ZNF726: variants seen among roughly 807,000 people sequenced by gnomAD.
The protein encoded by ZNF726 is zinc finger protein 92 pseudogene 3.
In ZNF726, 15 loss-of-function variants were observed where a neutral mutation model predicts 11.6. The observed-to-expected ratio is 1.29, with a 90% CI of 0.86 to 1.99. The LOEUF is 1.99. Ranked by LOEUF, ZNF726 falls within the 30% of genes most tolerant of loss-of-function variation. The pLI is 0.00. For missense variants in ZNF726, 890 were observed against 725.6 expected, an observed-to-expected ratio of 1.23 and a Z score of -2.60; for synonymous variants, 295 against 243.6, an observed-to-expected ratio of 1.21 and a Z score of -1.96.
chr19:23,941,803 G>A (rs1202866295), intron 3 of ZNF726, among the ~76,000 whole-genome samples: 1 of 152,042 alleles, frequency 6.6e-6, no homozygotes, highest in Admixed American at 6.5e-5. Flanking sequence ...CGTTTCAGTG[G>A]TGTCAGTTAT....
rs1967657344 is a variant in ZNF726 at position 23,914,911 on chromosome 19, G to C, written c.-84G>C. 6.3e-7 allele frequency: 1 copy of C among 1,595,824 alleles called. No homozygotes were observed. The highest frequency in any genetic ancestry group is 1.1e-5 in the South Asian group (1 of 90,198). Reference sequence around the variant, plus strand: ...GTCTCTATCTGCGGCCGGAGCTCCAGGTCTCGTCCTCACTACTCTGTGTCT... The same window carrying C: ...GTCTCTATCTGCGGCCGGAGCTCCACGTCTCGTCCTCACTACTCTGTGTCT... On this transcript the variant is annotated 5_prime_UTR_variant, in exon 1 of 4. Coordinates refer to ENST00000594466, the MANE Select transcript of ZNF726 (RefSeq NM_001244038.2).
chr19:23,937,401 G>A (rs891184983), downstream of ZNF726, among the ~76,000 whole-genome samples: 5 of 151,590 alleles, frequency 3.3e-5, no homozygotes, highest in East Asian at 2.0e-4. Context: ...GGTGGCTGCC[G>A]GGCAGAGGGG....
downstream of ZNF726, among the ~76,000 whole-genome samples, chr19:23,939,338 A>G (rs1313285829): frequency 6.6e-6 from 1 of 152,152 alleles, no homozygotes; most frequent in Non-Finnish European, 1.5e-5. Context: ...ATATATGTAT[A>G]TGTCATAGTT....
intron 3 of ZNF726, among the ~76,000 whole-genome samples, chr19:23,924,621 A>T (rs1442672609): frequency 6.6e-6 from 1 of 152,194 alleles, no homozygotes; most frequent in African/African-American, 2.4e-5. Context: ...AATGTGGTGG[A>T]TCCCTTCTGT....
intron 3 of ZNF726, among the ~76,000 whole-genome samples, chr19:23,924,811 G>A (rs1336901998): frequency 1.3e-5 from 2 of 151,934 alleles, no homozygotes; most frequent in African/African-American, 4.8e-5. Context: ...AGGATTACTT[G>A]ACGCTGGGAG....
rs1407704431 is a variant in ZNF726 at position 23,915,004 on chromosome 19, G to A, written c.3+7G>A. ...CCCTGGAAGCCTAGAAATGGTGAGA[G>A]TGCCGGGTGCGACATCCCAAGAGAG... On this transcript the variant is annotated splice_region_variant and intron_variant, in intron 1 of 3. Transcript: ENST00000594466. 4 of 1,613,712 alleles carry A rather than the reference G, an allele frequency of 2.5e-6. No individual in the cohort carries two copies. In the Admixed American group the frequency reaches 5.0e-5, roughly 20 times the overall value.
At position 23,934,292 on chromosome 19, in the gene ZNF726, G is replaced by C. The variant is rs764301104; in HGVS notation, c.*325G>C. ...TAGACATAAGAGGATGCACACTGGA[G>C]AGAAACCTTACAAATGTGAGGAATG... is the stretch of plus-strand genomic sequence containing the variant. On this transcript the variant is annotated 3_prime_UTR_variant, in exon 4 of 4. Transcript: ENST00000594466. 1.0e-4 allele frequency: 63 copies of C among 629,232 alleles called. No homozygotes were observed. The East Asian group carries it at 2.3e-3, about 23-fold the overall frequency. The allele number at this position is 629,232 out of a possible 1,614,324, so 39.0% of individuals were successfully genotyped here. A position where few individuals can be genotyped will look rare whatever the true frequency, so the allele number is the denominator to read the frequency against.
chr19:23,928,192 GAC>G (rs1968029038), intron 3 of ZNF726: 1 of 152,174 alleles, frequency 6.6e-6, no homozygotes, highest in Admixed American at 6.5e-5. Flanking sequence ...TAAGCTTGGT[GAC>G]ACTCTCACCA....
At chr19:23,929,039 CA>C in intron 3 of ZNF726, 1 of 152,026 alleles carries the variant, frequency 6.6e-6, no homozygotes, top group East Asian at 1.9e-4. Flanking sequence ...ATCCAGTGAT[CA>C]GCCCATCTTA....
downstream of ZNF726, among the ~76,000 whole-genome samples, chr19:23,937,531 C>T (rs1049942338): frequency 8.6e-5 from 13 of 151,720 alleles, no homozygotes; most frequent in Non-Finnish European, 1.6e-4. Flanking sequence ...AGGTGCTCCC[C>T]ACATCTCAGA....
chr19:23,926,677 T>C (rs1284697695), intron 3 of ZNF726, among the ~76,000 whole-genome samples: 1 of 152,140 alleles, frequency 6.6e-6, no homozygotes, highest in Non-Finnish European at 1.5e-5. Context: ...GATGTTCAGC[T>C]TTCAACATAA....
At chr19:23,941,375 G>T (rs1054070600) in intron 3 of ZNF726, among the ~76,000 whole-genome samples, 9 of 152,064 alleles carry the variant, frequency 5.9e-5, no homozygotes, top group Admixed American at 5.2e-4. Flanking sequence ...GTTGGATTTG[G>T]TTAGCTAGTA....
chr19:23,939,374 G>A (rs1418986211), downstream of ZNF726, among the ~76,000 whole-genome samples: 2 of 152,128 alleles, frequency 1.3e-5, no homozygotes, highest in African/African-American at 2.4e-5. Context: ...TGATTGATGG[G>A]CATTTTGGTT....
chr19:23,914,887 T>C lies in ZNF726; in HGVS notation c.-108T>C. On this transcript the variant is annotated 5_prime_UTR_variant, in exon 1 of 4. Coordinates refer to ENST00000594466, the MANE Select transcript of ZNF726 (RefSeq NM_001244038.2). ...CTTCCGGGATTTGGCGGGGCCTTTG[T>C]CTCTATCTGCGGCCGGAGCTCCAGG... 6 of 1,522,238 alleles carry C rather than the reference T, an allele frequency of 3.9e-6. No individual in the cohort carries two copies. The highest frequency in any genetic ancestry group is 9.0e-7 in the Non-Finnish European group (1 of 1,116,798). 94.3% of individuals were successfully genotyped at this position (1,522,238 alleles called of 1,614,324 possible).
At chr19:23,939,239 A>G (rs1299749372), downstream of ZNF726, among the ~76,000 whole-genome samples, 1 of 151,780 alleles carries the variant, frequency 6.6e-6, no homozygotes, top group East Asian at 1.9e-4. Flanking sequence ...TCCATTCCTC[A>G]GTTACTTCAC....
chr19:23,941,449 T>G (rs1968337228), intron 3 of ZNF726, among the ~76,000 whole-genome samples: 1 of 152,030 alleles, frequency 6.6e-6, no homozygotes, highest in Admixed American at 6.6e-5. Flanking sequence ...TCTTTTCTGG[T>G]TTTGTCTTTT....
At chr19:23,915,070 G>A in intron 1 of ZNF726, 73 bp downstream of exon 1, 1 of 1,608,316 alleles carries the variant, frequency 6.2e-7, no homozygotes. Context: ...CGGCAGTGGC[G>A]GGACTCAGGC....
At chr19:23,926,778 GCTCT>G (rs1967998700) in intron 3 of ZNF726, among the ~76,000 whole-genome samples, 2 of 151,984 alleles carry the variant, frequency 1.3e-5, no homozygotes, top group East Asian at 3.9e-4. Context: ...TCATTTCTGG[GCTCT>G]CTATTCTGTT....
At chr19:23,919,021 T>C (rs1265330244) in intron 1 of ZNF726, 1 of 210,380 alleles carries the variant, frequency 4.8e-6, no homozygotes, top group Non-Finnish European at 9.5e-6. Flanking sequence ...ATGTTTATTT[T>C]GTCTGAAAAA....
Sources: gnomAD v4.1 joint callset for allele counts (sites outside exome capture counted in the v4.1 genomes callset) on GRCh38, gnomAD v4.1.1 for gene constraint, MANE v1.5 for transcripts, NCBI Gene and HGNC (gene_info 2026-07-23, HGNC 2026-07-21) for gene names.